ADAM23: variants seen among roughly 807,000 people sequenced by gnomAD.
ADAM23 encodes the protein disintegrin and metalloproteinase domain-containing protein 23.
A neutral mutation model predicts 120.1 loss-of-function variants in ADAM23; 33 were observed. The ratio of observed to expected loss-of-function variants is 0.27; its 90% CI spans 0.21 to 0.37. The LOEUF (loss-of-function observed/expected upper bound fraction) is 0.37, where lower values mean the gene tolerates loss of function less well. ADAM23 is among the 10% of genes least tolerant of loss of function. The probability of loss-of-function intolerance (pLI) is 1.00; values close to 1 mark genes in which losing one functional copy is unlikely to be tolerated. For missense variants in ADAM23, 862 were observed against 1,058.2 expected (o/e 0.81, Z 2.57); for synonymous variants, 367 against 375.2 (o/e 0.98, Z 0.25).
intron 2 of ADAM23, among the ~76,000 whole-genome samples, chr2:206,469,024 G>A (rs1019197020): frequency 6.6e-6 from 1 of 152,146 alleles, no homozygotes; most frequent in East Asian, 1.9e-4. Context: ...CTCCAAGGGG[G>A]ATGGTGTTAA....
At chr2:206,513,338 A>C (rs1224684268) in intron 3 of ADAM23, among the ~76,000 whole-genome samples, 2 of 151,974 alleles carry the variant, frequency 1.3e-5, no homozygotes, top group Non-Finnish European at 2.9e-5. Context: ...GAATGATAAG[A>C]AAGTGAAACA....
rs1308525862 is a variant in ADAM23 at position 206,618,463 on chromosome 2, AT to A, written c.*837del. On this transcript the variant is annotated 3_prime_UTR_variant, in exon 26 of 26. Coordinates refer to ENST00000264377, the MANE Select transcript of ADAM23 (RefSeq NM_003812.4). ...ATATGGAAATAAGAGATTTTGACAC[AT>A]CATTTTCACTTGTCTGTATTGAGAT... The A allele has an allele frequency of 6.6e-6, 1 of 152,206 alleles. No homozygotes were observed. The highest frequency in any genetic ancestry group is 6.5e-5 in the Admixed American group (1 of 15,278). The allele number at this position is 152,206 out of a possible 1,614,324, so 9.4% of individuals were successfully genotyped here. A position where few individuals can be genotyped will look rare whatever the true frequency, so the allele number is the denominator to read the frequency against.
intron 24 of ADAM23, among the ~76,000 whole-genome samples, chr2:206,604,309 CA>C (rs1390320463): frequency 3.3e-5 from 5 of 152,172 alleles, no homozygotes; most frequent in African/African-American, 9.6e-5. Flanking sequence ...TAATGTATAT[CA>C]GTTAATTTAG....
At chr2:206,538,288 T>G (rs1017166020) in intron 4 of ADAM23, among the ~76,000 whole-genome samples, 2 of 152,200 alleles carry the variant, frequency 1.3e-5, no homozygotes, top group Non-Finnish European at 2.9e-5. Context: ...TTCCTTATTC[T>G]GCAGTACTCA....
At chr2:206,510,909 C>T (rs1696609935) in intron 3 of ADAM23, among the ~76,000 whole-genome samples, 1 of 152,098 alleles carries the variant, frequency 6.6e-6, no homozygotes, top group Non-Finnish European at 1.5e-5. Flanking sequence ...CCAGTTTTTC[C>T]AGGAACATGG....
intron 3 of ADAM23, among the ~76,000 whole-genome samples, chr2:206,510,691 T>C (rs1696605412): frequency 6.6e-6 from 1 of 152,230 alleles, no homozygotes; most frequent in Admixed American, 6.5e-5. Flanking sequence ...GTTTGAAGAA[T>C]AACTTGGCTG....
intron 2 of ADAM23, among the ~76,000 whole-genome samples, chr2:206,476,670 G>C (rs904072745): frequency 8.5e-5 from 13 of 152,224 alleles, no homozygotes; most frequent in Middle Eastern, 3.4e-3. Context: ...ACTGGACCCT[G>C]GTGCCAAAAA....
At chr2:206,479,392 T>C (rs1392567499) in intron 2 of ADAM23, among the ~76,000 whole-genome samples, 1 of 152,178 alleles carries the variant, frequency 6.6e-6, no homozygotes, top group African/African-American at 2.4e-5. Flanking sequence ...TCAGCTCTTT[T>C]AGACCAGGGT....
At chr2:206,449,641 G>A (rs969760838) in intron 2 of ADAM23, among the ~76,000 whole-genome samples, 1 of 152,146 alleles carries the variant, frequency 6.6e-6, no homozygotes, top group East Asian at 1.9e-4. Context: ...GCAGTGGTGC[G>A]CACCTGTAAT....
intron 24 of ADAM23, among the ~76,000 whole-genome samples, chr2:206,599,206 A>G (rs915660062): frequency 6.8e-6 from 1 of 147,404 alleles, no homozygotes; most frequent in Non-Finnish European, 1.5e-5. Flanking sequence ...TTCCATCTCA[A>G]AAAAAAAAAA....
chr2:206,531,483 A>G (rs957713772), intron 4 of ADAM23, among the ~76,000 whole-genome samples: 4 of 152,222 alleles, frequency 2.6e-5, no homozygotes, highest in Non-Finnish European at 4.4e-5. Context: ...GCCACGGGAC[A>G]TTGAATATGA....
chr2:206,583,987 G>A (rs894482378), intron 18 of ADAM23, among the ~76,000 whole-genome samples: 6 of 152,122 alleles, frequency 3.9e-5, no homozygotes, highest in Non-Finnish European at 8.8e-5. Flanking sequence ...ATTTGGGTAG[G>A]CTCTGTCAGA....
At chr2:206,455,104 G>A (rs182767588) in intron 2 of ADAM23, among the ~76,000 whole-genome samples, 3 of 152,244 alleles carry the variant, frequency 2.0e-5, no homozygotes, top group African/African-American at 7.2e-5. Context: ...TCTCCATGGG[G>A]GCTCTGCCCC....
At chr2:206,488,330 G>T (rs1440244276) in intron 3 of ADAM23, among the ~76,000 whole-genome samples, 2 of 152,212 alleles carry the variant, frequency 1.3e-5, no homozygotes. Flanking sequence ...TACACGAATA[G>T]TGTTAAAACA....
intron 2 of ADAM23, among the ~76,000 whole-genome samples, chr2:206,448,896 G>C (rs1246023582): frequency 6.6e-6 from 1 of 152,178 alleles, no homozygotes; most frequent in Non-Finnish European, 1.5e-5. Flanking sequence ...CCTGAGTTCT[G>C]TGAACCGCTC....
rs1695893143 is a variant in ADAM23, at chr2:206,481,364, A to G, written c.509+56A>G. On this transcript the variant is annotated intron_variant, in intron 3 of 25. Coordinates refer to ENST00000264377, the MANE Select transcript of ADAM23 (RefSeq NM_003812.4). Reference sequence around the variant, plus strand: ...GCAGGTGCAATAAAGCTTTGTTTTTATAATATCGGTTTAGTCAAAATAATG... The same window carrying G: ...GCAGGTGCAATAAAGCTTTGTTTTTGTAATATCGGTTTAGTCAAAATAATG... 11 of 1,338,456 alleles carry G rather than the reference A, an allele frequency of 8.2e-6. No individual in the cohort carries two copies. In the East Asian group the frequency reaches 1.2e-4, roughly 15 times the overall value. 82.9% of individuals were successfully genotyped at this position (1,338,456 alleles called of 1,614,324 possible).
At chr2:206,545,979 T>G (rs904886385) in intron 6 of ADAM23, among the ~76,000 whole-genome samples, 2 of 152,202 alleles carry the variant, frequency 1.3e-5, no homozygotes, top group Non-Finnish European at 2.9e-5. Context: ...TAGGGCAATT[T>G]TGTAGATTTG....
At chr2:206,555,292 G>A (rs1697620425) in intron 9 of ADAM23, among the ~76,000 whole-genome samples, 1 of 152,062 alleles carries the variant, frequency 6.6e-6, no homozygotes, top group Admixed American at 6.6e-5. Context: ...ATTTTAAGTG[G>A]CACCACAATC....
chr2:206,562,438 G>A (rs943330800), intron 13 of ADAM23, 145 bp downstream of exon 13: 3 of 612,860 alleles, frequency 4.9e-6, no homozygotes, highest in Non-Finnish European at 5.4e-6. Context: ...TAGAAAATAA[G>A]CAACTTAAGG....
Sources: allele counts gnomAD v4.1 joint callset (sites outside exome capture counted in the v4.1 genomes callset), GRCh38; gene constraint gnomAD v4.1.1; transcripts MANE v1.5; gene names NCBI Gene and HGNC (gene_info 2026-07-23, HGNC 2026-07-21).